Variants in TNFRSF11B observed in about 807,000 individuals in gnomAD.
TNFRSF11B encodes the protein TNF receptor superfamily member 11b.
In TNFRSF11B, 16 loss-of-function variants were observed where a neutral mutation model predicts 43.4. That is an observed-to-expected ratio of 0.37 (90% CI 0.25 to 0.56). The LOEUF (loss-of-function observed/expected upper bound fraction) is 0.56, where lower values mean the gene tolerates loss of function less well. Among genes scored for constraint, TNFRSF11B ranks in the 20% least tolerant of loss-of-function variants. The probability of loss-of-function intolerance (pLI) is 0.80; values close to 1 mark genes in which losing one functional copy is unlikely to be tolerated. For missense variants in TNFRSF11B, 444 were observed against 490.1 expected, an observed-to-expected ratio of 0.91 and a Z score of 0.89; for synonymous variants, 185 against 181.8, an observed-to-expected ratio of 1.02 and a Z score of -0.14.
intron 3 of TNFRSF11B, among the ~76,000 whole-genome samples, chr8:118,927,620 A>G (rs7834745): frequency 0.19 from 28,471 of 150,868 alleles, 3,160 homozygotes; most frequent in East Asian, 0.47. Flanking sequence ...CAATTACACA[A>G]TGAAACAATG....
At chr8:118,932,798 C>T (rs1227540518) in intron 2 of TNFRSF11B, 133 bp downstream of exon 2, 1 of 1,149,684 alleles carries the variant, frequency 8.7e-7, no homozygotes, top group Non-Finnish European at 1.2e-6. Flanking sequence ...CACATAGTAC[C>T]TACCTGGCAG....
At chr8:118,948,905 C>T (rs1812603637) in intron 1 of TNFRSF11B, among the ~76,000 whole-genome samples, 2 of 152,190 alleles carry the variant, frequency 1.3e-5, no homozygotes, top group East Asian at 1.9e-4. Flanking sequence ...AGACATTTTT[C>T]CTGAGAAAAA....
intron 1 of TNFRSF11B, among the ~76,000 whole-genome samples, chr8:118,934,710 A>G (rs1812378014): frequency 6.6e-6 from 1 of 152,188 alleles, no homozygotes; most frequent in South Asian, 2.1e-4. Context: ...TTTGGTACAG[A>G]GATCAACACT....
intron 4 of TNFRSF11B, among the ~76,000 whole-genome samples, chr8:118,925,896 TTATA>T (rs1812239119): frequency 6.6e-6 from 1 of 152,232 alleles, no homozygotes; most frequent in Non-Finnish European, 1.5e-5. Flanking sequence ...AGGAGAATCT[TTATA>T]TAAACTTATA....
intron 1 of TNFRSF11B, among the ~76,000 whole-genome samples, chr8:118,942,967 A>G (rs765676508): frequency 1.3e-5 from 2 of 151,892 alleles, no homozygotes; most frequent in Non-Finnish European, 2.9e-5. Context: ...CCACCTACCC[A>G]CCTATTCATC....
rs201167408 is a variant in TNFRSF11B, at chr8:118,933,000, G to T, written c.331C>A (p.Arg111Ser). ...HNRVCECKEGRYLEIEFCLKH... is the reference protein window; with the variant it reads ...HNRVCECKEGSYLEIEFCLKH... ...AAGCAGAACTCTATCTCAAGGTAGC[G>T]CCCTTCCTTGCATTCGCACACGCGG... Residue 111 changes from arginine (R) to serine (S), a missense_variant, in exon 2 of 5, where the codon CGC (arginine) becomes AGC (serine). By Grantham distance (110) the Arg-to-Ser change is moderately radical (BLOSUM62 -1). Transcript: ENST00000297350. 1.2e-5 allele frequency: 20 copies of T among 1,614,150 alleles called. No homozygotes were observed. The highest frequency in any genetic ancestry group is 4.0e-5 in the African/African-American group (3 of 75,060).
At chr8:118,941,531 T>G (rs1812485598) in intron 1 of TNFRSF11B, among the ~76,000 whole-genome samples, 2 of 152,310 alleles carry the variant, frequency 1.3e-5, no homozygotes, top group South Asian at 4.1e-4. Flanking sequence ...AAAATTTAAC[T>G]TTCAGTGTAA....
chr8:118,924,157 T>C lies in TNFRSF11B; in HGVS notation c.*217A>G, dbSNP rs567053743. The C allele has an allele frequency of 1.8e-6, 1 of 542,800 alleles. No homozygotes were observed. The highest frequency in any genetic ancestry group is 2.3e-5 in the South Asian group (1 of 44,316). The allele number at this position is 542,800 out of a possible 1,614,324, so 33.6% of individuals were successfully genotyped here. A position where few individuals can be genotyped will look rare whatever the true frequency, so the allele number is the denominator to read the frequency against. On this transcript the variant is annotated 3_prime_UTR_variant, in exon 5 of 5. Transcript: ENST00000297350. ...AATAAGGGAAAATATAGTCAGTAGA[T>C]AACGATCCAGATCTGACAGTTGGAT...
chr8:118,949,864 A>G (rs1586962004), intron 1 of TNFRSF11B, among the ~76,000 whole-genome samples: 1 of 152,312 alleles, frequency 6.6e-6, no homozygotes, highest in South Asian at 2.1e-4. Flanking sequence ...TGGTTTTACA[A>G]AAGGGCATCT....
intron 1 of TNFRSF11B, among the ~76,000 whole-genome samples, chr8:118,933,663 C>G (rs1812359015): frequency 6.6e-6 from 1 of 152,152 alleles, no homozygotes; most frequent in African/African-American, 2.4e-5. Context: ...ACTGGTAATT[C>G]TCAGAACAGC....
chr8:118,947,471 A>C (rs2129925564), intron 1 of TNFRSF11B, among the ~76,000 whole-genome samples: 1 of 152,306 alleles, frequency 6.6e-6, no homozygotes, highest in Admixed American at 6.5e-5. Context: ...CCTTAGGAGA[A>C]GTTCTAGGAA....
chr8:118,946,558 G>T lies in TNFRSF11B; in HGVS notation c.30+5234C>A, dbSNP rs1007714948. Among the ~76,000 whole-genome samples the T allele has an allele frequency of 2.6e-5, 4 of 152,084 alleles. No homozygotes were observed. The South Asian group carries it at 8.3e-4, about 32-fold the overall frequency. ...TGTTCCTAGGATTTCCGATTCACTA[G>T]TTCCTGCTATTGTGGGTTGCTAAGT... On this transcript the variant is annotated intron_variant, in intron 1 of 4. Transcript: ENST00000297350.
At chr8:118,927,241 C>T (rs778108793) in intron 3 of TNFRSF11B, among the ~76,000 whole-genome samples, 110 of 152,080 alleles carry the variant, frequency 7.2e-4, no homozygotes, top group Middle Eastern at 3.2e-3. Flanking sequence ...AATAACCAAA[C>T]ATAAAACTAT....
At chr8:118,936,927 G>C (rs1393295943) in intron 1 of TNFRSF11B, among the ~76,000 whole-genome samples, 1 of 152,008 alleles carries the variant, frequency 6.6e-6, no homozygotes, top group African/African-American at 2.4e-5. Flanking sequence ...CCCATTCCCT[G>C]GCTACCTATC....
intron 2 of TNFRSF11B, 162 bp from the exon 3 acceptor site, chr8:118,929,091 A>T (rs942797286): frequency 5.9e-6 from 4 of 673,782 alleles, no homozygotes; most frequent in East Asian, 2.7e-5. Context: ...TAGACAGAAC[A>T]AAACTTCCAC....
Position 118,924,365 on chromosome 8 carries a change from C to A in TNFRSF11B, c.*9G>T. On this transcript the variant is annotated 3_prime_UTR_variant, in exon 5 of 5. Transcript: ENST00000297350. ...AATTGTGAGGAAACAGCTCAATGGC[C>A]ATTTCCAGTTATAAGCAGCTTATTT... The A allele has an allele frequency of 1.2e-6, 2 of 1,613,874 alleles. No homozygotes were observed. Among genetic ancestry groups the A allele is most frequent in the Non-Finnish European group, 1.7e-6 (2 of 1,179,904 alleles).
intron 3 of TNFRSF11B, among the ~76,000 whole-genome samples, chr8:118,927,987 T>C (rs1463680679): frequency 6.6e-6 from 1 of 151,668 alleles, no homozygotes; most frequent in Non-Finnish European, 1.5e-5. Flanking sequence ...ATACCATAGG[T>C]AACAAAGCCA....
At chr8:118,930,259 T>C (rs1812307096) in intron 2 of TNFRSF11B, among the ~76,000 whole-genome samples, 1 of 152,254 alleles carries the variant, frequency 6.6e-6, no homozygotes, top group African/African-American at 2.4e-5. Flanking sequence ...TATCAAATTC[T>C]ACAATATCAT....
chr8:118,944,920 G>A (rs1812535628), intron 1 of TNFRSF11B, among the ~76,000 whole-genome samples: 1 of 152,078 alleles, frequency 6.6e-6, no homozygotes, highest in Non-Finnish European at 1.5e-5. Context: ...CTTGAACCTG[G>A]CTTTTAACTA....
Sources: gnomAD v4.1 joint callset for allele counts (sites outside exome capture counted in the v4.1 genomes callset) on GRCh38, gnomAD v4.1.1 for gene constraint, MANE v1.5 for transcripts, NCBI Gene and HGNC (gene_info 2026-07-23, HGNC 2026-07-21) for gene names.